MIB1: variants seen among roughly 807,000 people sequenced by gnomAD.
The protein encoded by MIB1 is MIB E3 ubiquitin protein ligase 1, also known as E3 ubiquitin-protein ligase MIB1.
MIB1 carries 278 observed loss-of-function variants against 124.5 expected under a neutral mutation model. The ratio of observed to expected loss-of-function variants is 2.23; its 90% CI spans 2.02 to 2.47. The LOEUF is 2.47. MIB1 is among the 30% of genes most tolerant of loss of function. The pLI, the probability that MIB1 is intolerant of heterozygous loss-of-function variation, is 0.00. For synonymous variants in MIB1, 446 were observed against 429.4 expected, an observed-to-expected ratio of 1.04 and a Z score of -0.48; for missense variants, 957 against 1,254.4, an observed-to-expected ratio of 0.76 and a Z score of 3.58.
rs1343776872 is a variant in MIB1, at chr18:21,724,726, AAATATATATATATATATATATATATAT to A, written n.167+19605_167+19631del. ...TCTCCCCCATCCAAAAAAAAAAAAA[AAATATATATATATATATATATATATAT>A]ATATATATATATATATATATTAGTC... On this transcript the variant is annotated intron_variant and non_coding_transcript_variant, in intron 1 of 20. Coordinates refer to the MIB1 transcript ENST00000578646. 2.1e-3 allele frequency among the ~76,000 whole-genome samples: 113 copies of A among 52,828 alleles called. 5 individuals are homozygous for A. The highest frequency in any genetic ancestry group is 8.0e-3 in the African/African-American group (105 of 13,198). The allele number at this position is 52,828 out of a possible 152,430, so 34.7% of individuals were successfully genotyped here.
At chr18:21,826,693 A>G (rs567344298) in intron 12 of MIB1, 210 of 152,230 alleles carry the variant, frequency 1.4e-3, no homozygotes, top group African/African-American at 4.8e-3. Context: ...GTCTTCTTGC[A>G]TAAAATAAAA....
chr18:21,759,418 T>G (rs1408066112), intron 1 of MIB1, among the ~76,000 whole-genome samples: 2 of 151,940 alleles, frequency 1.3e-5, no homozygotes, highest in Non-Finnish European at 2.9e-5. Context: ...AATTTTTGTA[T>G]TTTTAATAGA....
intron 19 of MIB1, among the ~76,000 whole-genome samples, chr18:21,857,616 T>C (rs1196595690): frequency 6.6e-6 from 1 of 152,280 alleles, no homozygotes; most frequent in Non-Finnish European, 1.5e-5. Flanking sequence ...ATTAACCTGC[T>C]TCCATTATGC....
At chr18:21,773,575 T>C in intron 3 of MIB1, 49 bp from the exon 4 acceptor site, 1 of 1,173,284 alleles carries the variant, frequency 8.5e-7, no homozygotes, top group Non-Finnish European at 1.3e-6. Context: ...AGAACTAAGC[T>C]CTTCCCTCCC....
chr18:21,740,925 C>T lies in MIB1; in HGVS notation c.-659C>T, dbSNP rs559782026. On this transcript the variant is annotated 5_prime_UTR_variant, in exon 1 of 21. Coordinates refer to ENST00000261537, the MANE Select transcript of MIB1 (RefSeq NM_020774.4). ...CTAGACACTCTGAGAAGGTGCCGCT[C>T]CGGCCTTGGGTACGGCGGTACCCGG... is the stretch of plus-strand genomic sequence containing the variant. Among the ~76,000 whole-genome samples, 2 of 152,362 alleles carry T rather than the reference C, an allele frequency of 1.3e-5. No homozygotes were observed. Among genetic ancestry groups the T allele is most frequent in the Admixed American group, 6.5e-5 (1 of 15,314 alleles).
chr18:21,861,682 A>G (rs2042278190), intron 20 of MIB1, among the ~76,000 whole-genome samples: 1 of 151,716 alleles, frequency 6.6e-6, no homozygotes, highest in East Asian at 1.9e-4. Context: ...ACCAGAAAAC[A>G]TTCGAATAAC....
intron 1 of MIB1, among the ~76,000 whole-genome samples, chr18:21,751,224 AAAG>A (rs1388011061): frequency 6.6e-6 from 1 of 152,134 alleles, no homozygotes; most frequent in Non-Finnish European, 1.5e-5. Context: ...AAAAAAAAGA[AAAG>A]AAAAAGATTG....
intron 18 of MIB1, among the ~76,000 whole-genome samples, chr18:21,855,326 A>T (rs1433277152): frequency 6.6e-6 from 1 of 152,260 alleles, no homozygotes; most frequent in Non-Finnish European, 1.5e-5. Flanking sequence ...AAGCCAAAGG[A>T]AGGAGAGATT....
chr18:21,811,463 G>T (rs2041772674), intron 10 of MIB1, among the ~76,000 whole-genome samples: 1 of 152,152 alleles, frequency 6.6e-6, no homozygotes, highest in African/African-American at 2.4e-5. Context: ...CATGAAAGCA[G>T]CCCAGGTATC....
Position 21,798,205 on chromosome 18 carries a change from CA to C in MIB1, c.1215del (p.Ala406ProfsTer14). The stretch of plus-strand genomic sequence containing the variant: ...GTTTCCAAGGTGGCATCTGCAGGAT[CA>C]GCCATTAGCAATGCATCTGGTGGTA... Reference protein sequence around the residue: ...AAVSKVASAGSAISNASGERL... With the variant: ...AAVSKVASAGXAISNASGERL... On this transcript the variant is annotated frameshift_variant, in exon 8 of 21. Transcript: ENST00000261537. LOFTEE classifies it high-confidence loss of function. 6.2e-7 allele frequency: 1 copy of C among 1,613,124 alleles called. No individual in the cohort carries two copies. The highest frequency in any genetic ancestry group is 8.5e-7 in the Non-Finnish European group (1 of 1,179,332).
chr18:21,797,684 TA>T (rs2041598959), intron 7 of MIB1, among the ~76,000 whole-genome samples: 1 of 152,100 alleles, frequency 6.6e-6, no homozygotes, highest in South Asian at 2.1e-4. Context: ...CAAATTAGTT[TA>T]TTTTTTTATT....
At chr18:21,851,486 G>A (rs2042179741) in intron 17 of MIB1, among the ~76,000 whole-genome samples, 1 of 152,110 alleles carries the variant, frequency 6.6e-6, no homozygotes, top group Non-Finnish European at 1.5e-5. Context: ...AGATTTGCCA[G>A]GTTGGTTGTA....
At position 21,725,094 on chromosome 18, in the gene MIB1, CAAA is replaced by C. The variant is rs1218383555; in HGVS notation, n.167+19991_167+19993del. ...TGGGTGACAGAGCGAGACTCTGTCT[CAAA>C]AAAAAAAAAAAAAAAAAAAGACGAA... On this transcript the variant is annotated intron_variant and non_coding_transcript_variant, in intron 1 of 20. Transcript: ENST00000578646. 3.8e-3 allele frequency among the ~76,000 whole-genome samples: 169 copies of C among 44,184 alleles called. 1 individual carries two copies. The highest frequency in any genetic ancestry group is 0.014 in the African/African-American group (165 of 12,028). 29.0% of individuals were successfully genotyped at this position (44,184 alleles called of 152,430 possible). A position where few individuals can be genotyped will look rare whatever the true frequency, so the allele number is the denominator to read the frequency against.
intron 18 of MIB1, among the ~76,000 whole-genome samples, chr18:21,855,424 C>T (rs901309016): frequency 1.3e-5 from 2 of 152,092 alleles, no homozygotes; most frequent in African/African-American, 4.8e-5. Flanking sequence ...AAGATAGAAA[C>T]AATACAATAA....
At chr18:21,749,243 G>A (rs970009702) in intron 1 of MIB1, among the ~76,000 whole-genome samples, 9 of 152,106 alleles carry the variant, frequency 5.9e-5, no homozygotes, top group Admixed American at 2.0e-4. Flanking sequence ...ATATAGGTAT[G>A]CCATATGTAC....
intron 1 of MIB1, among the ~76,000 whole-genome samples, chr18:21,732,322 C>T (rs2040774744): frequency 6.8e-6 from 1 of 147,110 alleles, no homozygotes; most frequent in Non-Finnish European, 1.5e-5. Flanking sequence ...CGTAAGCCTC[C>T]ATCTAAAAAA....
chr18:21,710,872 G>A (rs185869094), intron 1 of MIB1, among the ~76,000 whole-genome samples: 247 of 148,568 alleles, frequency 1.7e-3, no homozygotes, highest in African/African-American at 6.0e-3. Context: ...CTGTCGCCAG[G>A]CTGGAGTGCA....
chr18:21,740,990 G>A lies in MIB1; in HGVS notation c.-594G>A, dbSNP rs990902251. On this transcript the variant is annotated 5_prime_UTR_variant, in exon 1 of 21. Transcript: ENST00000261537. Reference sequence around the variant, plus strand: ...TCGCCCGGCTGGGACTCTGTGGCGGGGCGGAGCGCGGCGGCTGGTGCGGGG... The same window carrying A: ...TCGCCCGGCTGGGACTCTGTGGCGGAGCGGAGCGCGGCGGCTGGTGCGGGG... 6.6e-6 allele frequency among the ~76,000 whole-genome samples: 1 copy of A among 152,220 alleles called. No individual in the cohort carries two copies. Among genetic ancestry groups the A allele is most frequent in the East Asian group, 1.9e-4 (1 of 5,176 alleles).
rs372081757 is a variant in MIB1 at position 21,750,618 on chromosome 18, C to T, written c.229+8806C>T. 1.5e-4 allele frequency among the ~76,000 whole-genome samples: 23 copies of T among 152,282 alleles called. No homozygotes were observed. In the East Asian group the frequency reaches 1.7e-3, roughly 12 times the overall value. On this transcript the variant is annotated intron_variant, in intron 1 of 20. Coordinates refer to ENST00000261537, the MANE Select transcript of MIB1 (RefSeq NM_020774.4). ...CTGGGATTACAGGCGTAAGCCACCA[C>T]GCTCGGCCTAATTTTTTGTATTTTT...
Sources: allele counts gnomAD v4.1 joint callset (sites outside exome capture counted in the v4.1 genomes callset), GRCh38; gene constraint gnomAD v4.1.1; transcripts MANE v1.5; gene names NCBI Gene and HGNC (gene_info 2026-07-23, HGNC 2026-07-21).